Variants in EFCAB8 observed in about 807,000 individuals in gnomAD.
The protein encoded by EFCAB8 is EF-hand calcium binding domain 8, also known as EF-hand calcium-binding domain-containing protein 8.
A neutral mutation model predicts 116.3 loss-of-function variants in EFCAB8; 100 were observed. The ratio of observed to expected loss-of-function variants is 0.86; its 90% CI spans 0.73 to 1.02. The LOEUF (loss-of-function observed/expected upper bound fraction) is 1.02. EFCAB8 is among the 50% of genes least tolerant of loss of function. The pLI is 0.00. For missense variants in EFCAB8, 1,320 were observed against 1,416.9 expected, an observed-to-expected ratio of 0.93 and a Z score of 1.10; for synonymous variants, 558 against 567.9, an observed-to-expected ratio of 0.98 and a Z score of 0.25.
In EFCAB8 at chr20:32,930,609, A is replaced by G; in HGVS notation, c.2624A>G (p.Tyr875Cys). Residue 875 changes from tyrosine (Y) to cysteine (C), a missense_variant, in exon 21 of 27, where the codon TAC becomes TGC. Coordinates refer to ENST00000400522, the MANE Select transcript of EFCAB8 (RefSeq NM_001143967.2). ...CTCATCACGGGGGATTGTAAAGGAT[A>G]CATCAAGGTGAGGAAGAACTGGCAG... is the stretch of plus-strand genomic sequence containing the variant. ...WILITGDCKG[Y>C]IKIWDIKDYC... 6.4e-7 allele frequency: 1 copy of G among 1,552,282 alleles called. No individual in the cohort carries two copies. The highest frequency in any genetic ancestry group is 8.7e-7 in the Non-Finnish European group (1 of 1,147,094).
intron 3 of EFCAB8, among the ~76,000 whole-genome samples, chr20:32,875,323 G>A (rs759545942): frequency 1.3e-4 from 20 of 151,990 alleles, no homozygotes; most frequent in Non-Finnish European, 2.8e-4. Flanking sequence ...GAGGAGGGGA[G>A]ACAGGGCCAA....
intron 17 of EFCAB8, among the ~76,000 whole-genome samples, chr20:32,914,342 C>G (rs1987083489): frequency 6.6e-6 from 1 of 152,172 alleles, no homozygotes; most frequent in Non-Finnish European, 1.5e-5. Flanking sequence ...GAGGGACAGT[C>G]CTGATGATCT....
chr20:32,935,008 A>T (rs1231217240), intron 22 of EFCAB8, among the ~76,000 whole-genome samples: 1 of 152,032 alleles, frequency 6.6e-6, no homozygotes, highest in Non-Finnish European at 1.5e-5. Context: ...TTTTGATAAC[A>T]TCTAATCTAA....
intron 17 of EFCAB8, among the ~76,000 whole-genome samples, chr20:32,914,237 G>A (rs1034182065): frequency 6.6e-6 from 1 of 152,222 alleles, no homozygotes; most frequent in Non-Finnish European, 1.5e-5. Flanking sequence ...GAAGTTAAGC[G>A]ATGATGGTAG....
At chr20:32,932,337 G>A (rs568074195) in intron 22 of EFCAB8, among the ~76,000 whole-genome samples, 1 of 151,290 alleles carries the variant, frequency 6.6e-6, no homozygotes, top group African/African-American at 2.4e-5. Context: ...AGATTGCTCC[G>A]TTGCCCTCCA....
chr20:32,950,152 A>G (rs765126134), intron 23 of EFCAB8, among the ~76,000 whole-genome samples: 7 of 152,266 alleles, frequency 4.6e-5, no homozygotes, highest in Non-Finnish European at 1.0e-4. Flanking sequence ...TGCAACACCG[A>G]TAGAGCATGA....
chr20:32,863,484 C>T (rs1464808494), intron 1 of EFCAB8, among the ~76,000 whole-genome samples: 5 of 152,194 alleles, frequency 3.3e-5, no homozygotes, highest in Admixed American at 2.6e-4. Context: ...TTTAGGAAGC[C>T]TCTGGCATTA....
chr20:32,890,715 G>T (rs927515268), intron 7 of EFCAB8, among the ~76,000 whole-genome samples: 1 of 152,222 alleles, frequency 6.6e-6, no homozygotes, highest in Admixed American at 6.5e-5. Flanking sequence ...GCAGGGACTG[G>T]AATAAAAAGG....
intron 13 of EFCAB8, among the ~76,000 whole-genome samples, chr20:32,907,669 T>G (rs1986740451): frequency 1.3e-5 from 2 of 152,278 alleles, no homozygotes; most frequent in South Asian, 2.1e-4. Context: ...CTGTCTGGAA[T>G]TTTCCCAGAA....
chr20:32,957,245 T>A (rs1165039841), intron 23 of EFCAB8, among the ~76,000 whole-genome samples: 1 of 152,078 alleles, frequency 6.6e-6, no homozygotes, highest in Non-Finnish European at 1.5e-5. Flanking sequence ...GAGGGCCCAC[T>A]TCTAATGCCT....
intron 22 of EFCAB8, among the ~76,000 whole-genome samples, chr20:32,934,121 G>T: frequency 6.6e-6 from 1 of 151,460 alleles, no homozygotes. Flanking sequence ...TGGGATTACA[G>T]GTGTGAGCCA....
chr20:32,949,202 AG>A (rs112004699), intron 23 of EFCAB8, among the ~76,000 whole-genome samples: 44 of 152,352 alleles, frequency 2.9e-4, no homozygotes, highest in Middle Eastern at 3.4e-3. Context: ...TTGAAGTAAA[AG>A]ATACATTTAC....
chr20:32,936,923 T>C (rs1988141611), intron 22 of EFCAB8, among the ~76,000 whole-genome samples: 1 of 152,128 alleles, frequency 6.6e-6, no homozygotes, highest in South Asian at 2.1e-4. Context: ...ATAATATTAA[T>C]TCTTCTAATT....
At chr20:32,923,934 C>T (rs1428504363) in intron 20 of EFCAB8, among the ~76,000 whole-genome samples, 1 of 152,148 alleles carries the variant, frequency 6.6e-6, no homozygotes, top group African/African-American at 2.4e-5. Context: ...AGATATAAAA[C>T]TCTAGGATTA....
rs1986773040 is a variant in EFCAB8 at position 32,908,333 on chromosome 20, T to G, written c.1367T>G (p.Phe456Cys). 1 of 1,249,802 alleles carries G rather than the reference T, an allele frequency of 8.0e-7. No individual in the cohort carries two copies. The highest frequency in any genetic ancestry group is 1.6e-5 in the African/African-American group (1 of 64,470). The allele number at this position is 1,249,802 out of a possible 1,614,324, so 77.4% of individuals were successfully genotyped here. ...YICLQSFCGK[F>C]FALGNCPITS... is the part of the protein sequence containing the mutation. ...TGCCTCCAGTCCTTCTGTGGGAAGT[T>G]TTTTGCTCTGGGAAACTGCCCCATC... The change falls in exon 14 of 27, where the codon TTT becomes TGT. Residue 456 changes from phenylalanine to cysteine, a missense_variant. Phe to Cys is a radical substitution (Grantham distance 205). Coordinates refer to ENST00000400522, the MANE Select transcript of EFCAB8 (RefSeq NM_001143967.2).
At chr20:32,871,819 C>G (rs538981008) in intron 3 of EFCAB8, among the ~76,000 whole-genome samples, 6 of 152,150 alleles carry the variant, frequency 3.9e-5, no homozygotes, top group Non-Finnish European at 8.8e-5. Flanking sequence ...GTTCCCTTTT[C>G]CTAGCTTCAG....
At chr20:32,954,264 ATTATC>A (rs1234190506) in intron 23 of EFCAB8, among the ~76,000 whole-genome samples, 1 of 151,974 alleles carries the variant, frequency 6.6e-6, no homozygotes, top group Non-Finnish European at 1.5e-5. Context: ...AGTTTTGGGT[ATTATC>A]TTTAGGTATT....
At chr20:32,938,383 T>C (rs1306075246) in intron 22 of EFCAB8, among the ~76,000 whole-genome samples, 4 of 149,764 alleles carry the variant, frequency 2.7e-5, no homozygotes, top group Non-Finnish European at 5.9e-5. Context: ...TACTTTCCTG[T>C]AAAATCAGAA....
At chr20:32,875,391 C>CT (rs1325163915) in intron 3 of EFCAB8, among the ~76,000 whole-genome samples, 2 of 151,998 alleles carry the variant, frequency 1.3e-5, no homozygotes, top group Non-Finnish European at 2.9e-5. Context: ...AGGGCCCCGT[C>CT]TTTGGCTGGA....
Sources: gnomAD v4.1 joint callset for allele counts (sites outside exome capture counted in the v4.1 genomes callset) on GRCh38, gnomAD v4.1.1 for gene constraint, MANE v1.5 for transcripts, NCBI Gene and HGNC (gene_info 2026-07-23, HGNC 2026-07-21) for gene names.